PCBP3: variants seen among roughly 807,000 people sequenced by gnomAD.
PCBP3 encodes poly(rC)-binding protein 3.
A neutral mutation model predicts 52.7 loss-of-function variants in PCBP3; 25 were observed. That is an observed-to-expected ratio of 0.47 (90% confidence interval 0.35 to 0.66). The LOEUF is 0.66. Among genes scored for constraint, PCBP3 ranks in the 30% least tolerant of loss-of-function variants. The probability of loss-of-function intolerance (pLI) is 0.01; values close to 1 mark genes in which losing one functional copy is unlikely to be tolerated. For missense variants in PCBP3, 391 were observed against 490.3 expected (o/e 0.80, Z 1.91); for synonymous variants, 162 against 183.0 (o/e 0.89, Z 0.93).
At chr21:45,878,610 C>T (rs1156449624) in intron 5 of PCBP3, among the ~76,000 whole-genome samples, 2 of 152,196 alleles carry the variant, frequency 1.3e-5, no homozygotes, top group African/African-American at 2.4e-5. Context: ...AGCTAAACAG[C>T]GGTGCAGAAG....
chr21:45,938,665 G>T (rs1483484489), intron 16 of PCBP3, among the ~76,000 whole-genome samples: 1 of 152,196 alleles, frequency 6.6e-6, no homozygotes, highest in African/African-American at 2.4e-5. Flanking sequence ...GGTCTGAGAG[G>T]TGTGGGGGAG....
At chr21:45,676,492 A>G (rs773623931) in intron 2 of PCBP3, among the ~76,000 whole-genome samples, 13 of 152,068 alleles carry the variant, frequency 8.5e-5, no homozygotes, top group Non-Finnish European at 1.8e-4. Context: ...TTCTCATGAT[A>G]TTTCAAACAT....
intron 5 of PCBP3, among the ~76,000 whole-genome samples, chr21:45,878,990 T>C (rs1425607638): frequency 1.3e-5 from 2 of 152,128 alleles, no homozygotes; most frequent in Non-Finnish European, 2.9e-5. Context: ...TTTTGTTTGT[T>C]TGTTTGTTTG....
At chr21:45,881,503 G>A (rs527323142) in intron 5 of PCBP3, among the ~76,000 whole-genome samples, 22 of 152,192 alleles carry the variant, frequency 1.4e-4, no homozygotes, top group African/African-American at 4.8e-4. Flanking sequence ...GCCCAGGCTG[G>A]TCTTGAACTC....
chr21:45,854,986 A>G (rs963824488), intron 5 of PCBP3, among the ~76,000 whole-genome samples: 2 of 152,244 alleles, frequency 1.3e-5, no homozygotes, highest in Non-Finnish European at 2.9e-5. Flanking sequence ...AAGCTGACAG[A>G]GAGCTCCAGG....
At chr21:45,911,198 C>T (rs573170042) in intron 11 of PCBP3, 168 bp downstream of exon 11, 16 of 753,104 alleles carry the variant, frequency 2.1e-5, no homozygotes, top group Admixed American at 1.9e-4. Context: ...GGTATGGGCG[C>T]CACAGGGGTG....
chr21:45,902,736 G>A (rs55641372), intron 9 of PCBP3, among the ~76,000 whole-genome samples: 38,982 of 152,256 alleles, frequency 0.26, 5,268 homozygotes, highest in Middle Eastern at 0.38. Flanking sequence ...TGGGCAGCCC[G>A]CTCCTGGGAC....
At chr21:45,940,399 C>G (rs1329484203) in intron 17 of PCBP3, among the ~76,000 whole-genome samples, 200 bp downstream of exon 17, 1 of 152,190 alleles carries the variant, frequency 6.6e-6, no homozygotes, top group Non-Finnish European at 1.5e-5. Context: ...GGGGCCACCT[C>G]ACTCTCCCGA....
chr21:45,649,866 A>T (rs890553515), intron 1 of PCBP3, among the ~76,000 whole-genome samples: 5 of 152,084 alleles, frequency 3.3e-5, no homozygotes, highest in Admixed American at 6.5e-5. Flanking sequence ...AAAGCTTTTT[A>T]AAAAAATCAT....
In PCBP3 at chr21:45,835,636, G is replaced by T. The variant is rs367959039; in HGVS notation, c.-125-14325G>T. On this transcript the variant is annotated intron_variant, in intron 4 of 17. Coordinates refer to ENST00000681687, the MANE Select transcript of PCBP3 (RefSeq NM_001384156.1). ...GCCTGTCCTGCCACATGGCCCCTGCGTGAGGAAGACAGAGCCTGGGCGTGG... is the reference window on the plus strand; with the variant it reads ...GCCTGTCCTGCCACATGGCCCCTGCTTGAGGAAGACAGAGCCTGGGCGTGG... Among the ~76,000 whole-genome samples the T allele has an allele frequency of 2.0e-5, 3 of 152,356 alleles. No individual in the cohort carries two copies. The South Asian group carries it at 6.2e-4, about 32-fold the overall frequency.
At chr21:45,911,920 C>T (rs1031777884) in intron 11 of PCBP3, among the ~76,000 whole-genome samples, 3 of 152,260 alleles carry the variant, frequency 2.0e-5, no homozygotes, top group South Asian at 2.1e-4. Flanking sequence ...CTGGTTAGGG[C>T]GAAAGTGCCA....
chr21:45,692,162 A>T (rs2082520888), intron 2 of PCBP3, among the ~76,000 whole-genome samples: 1 of 152,160 alleles, frequency 6.6e-6, no homozygotes, highest in South Asian at 2.1e-4. Context: ...TCAATAAAGA[A>T]TCCAGGAAGG....
In PCBP3 at chr21:45,800,080, T is replaced by C. The variant is rs13049127; in HGVS notation, c.-126+44628T>C. 1.3e-5 allele frequency among the ~76,000 whole-genome samples: 2 copies of C among 152,260 alleles called. No individual in the cohort carries two copies. The highest frequency in any genetic ancestry group is 3.9e-4 in the East Asian group (2 of 5,150). On this transcript the variant is annotated intron_variant, in intron 4 of 17. Transcript: ENST00000681687. This position sits in a 1 kb window ranked among gnomAD's most constrained non-coding sequence, Gnocchi z 5.3. Reference sequence around the variant, plus strand: ...CACCCAGTGATGGTTCTTGTGCTGTTCTCTCTTCATGAATCATGGCCTGGC... The same window carrying C: ...CACCCAGTGATGGTTCTTGTGCTGTCCTCTCTTCATGAATCATGGCCTGGC...
At chr21:45,675,812 G>A (rs1178089140) in intron 2 of PCBP3, among the ~76,000 whole-genome samples, 1 of 152,102 alleles carries the variant, frequency 6.6e-6, no homozygotes, top group Admixed American at 6.5e-5. Flanking sequence ...TAAAAGCAAT[G>A]GCAGGTGCTT....
At chr21:45,831,007 C>G (rs928701534) in intron 4 of PCBP3, 4 of 152,560 alleles carry the variant, frequency 2.6e-5, no homozygotes, top group East Asian at 1.9e-4. Context: ...CTCTGCCCCC[C>G]ACTCTGGAGC....
intron 4 of PCBP3, among the ~76,000 whole-genome samples, chr21:45,773,504 A>G (rs1256271339): frequency 1.3e-5 from 2 of 152,082 alleles, no homozygotes; most frequent in Admixed American, 6.5e-5. Context: ...AGAAATGTCT[A>G]TTCATGTCCT....
Position 45,671,992 on chromosome 21 carries a change from A to G in PCBP3, c.-200+3040A>G, listed in dbSNP as rs148039925. On this transcript the variant is annotated intron_variant, in intron 2 of 17. Coordinates refer to ENST00000681687, the MANE Select transcript of PCBP3 (RefSeq NM_001384156.1). ...GCCTTGGGAGTGCTATGGTTTGAAT[A>G]TTTGTCCCCTCCAAAACTCATGTTG... Among the ~76,000 whole-genome samples, 52 of 152,128 alleles carry G rather than the reference A, an allele frequency of 3.4e-4. 1 individual carries two copies. The East Asian group carries it at 9.1e-3, about 27-fold the overall frequency.
At chr21:45,659,715 T>G (rs2080261122) in intron 1 of PCBP3, among the ~76,000 whole-genome samples, 2 of 152,184 alleles carry the variant, frequency 1.3e-5, no homozygotes, top group African/African-American at 4.8e-5. Flanking sequence ...ACTCTGGTTA[T>G]TTAGCAGTGT....
At chr21:45,739,747 C>T (rs1455571456) in intron 3 of PCBP3, among the ~76,000 whole-genome samples, 6 of 151,974 alleles carry the variant, frequency 3.9e-5, no homozygotes. Context: ...GGTGGACCCC[C>T]CATCTTCATC....
Sources: gnomAD v4.1 joint callset for allele counts (sites outside exome capture counted in the v4.1 genomes callset) on GRCh38, gnomAD v4.1.1 for gene constraint, Gnocchi (gnomAD v3.1) non-coding constraint, MANE v1.5 for transcripts, NCBI Gene and HGNC (gene_info 2026-07-23, HGNC 2026-07-21) for gene names.